FBXW5: variants seen among roughly 807,000 people sequenced by gnomAD.
The protein encoded by FBXW5 is F-box and WD repeat domain containing 5, also known as F-box/WD repeat-containing protein 5.
FBXW5 carries 74 observed loss-of-function variants against 50.9 expected under a neutral mutation model. The ratio of observed to expected loss-of-function variants is 1.45; its 90% confidence interval spans 1.20 to 1.76. The LOEUF (loss-of-function observed/expected upper bound fraction) is 1.76. FBXW5 is among the 40% of genes most tolerant of loss of function. The probability of loss-of-function intolerance (pLI) is 0.00; values close to 1 mark genes in which losing one functional copy is unlikely to be tolerated. For missense variants in FBXW5, 1,073 were observed against 818.8 expected (o/e 1.31, Z -3.79); for synonymous variants, 523 against 362.2 (o/e 1.44, Z -5.04).
rs1176899473 is a variant in FBXW5 at position 136,940,984 on chromosome 9, C to T, written c.1645G>A (p.Ala549Thr). ...RSPRTMRVLQ[A>T]PRPRPRTFFS... ...AAGGTGCGAGGCCGTGGGCGAGGTGCCTGGAGGACGCGCATGGTGCGTGGG... is the reference window on the plus strand; with the variant it reads ...AAGGTGCGAGGCCGTGGGCGAGGTGTCTGGAGGACGCGCATGGTGCGTGGG... The change falls in exon 9 of 9, where the codon GCA becomes ACA. Residue 549 changes from alanine to threonine, a missense_variant. Coordinates refer to ENST00000325285, the MANE Select transcript of FBXW5 (RefSeq NM_018998.4). 6.4e-7 allele frequency: 1 copy of T among 1,559,800 alleles called. No homozygotes were observed.
In FBXW5 at chr9:136,942,791, G is replaced by T. The variant is rs142910179; in HGVS notation, c.504C>A (p.Gly168=). 1.2e-6 allele frequency: 2 copies of T among 1,613,092 alleles called. No homozygotes were observed. Among genetic ancestry groups the T allele is most frequent in the Admixed American group, 1.7e-5 (1 of 60,020 alleles). The change falls in exon 4 of 9, where the codon GGC becomes GGA. Residue 168 remains glycine, a synonymous_variant. Coordinates refer to ENST00000325285, the MANE Select transcript of FBXW5 (RefSeq NM_018998.4). ...CACCTAGGCTGATGACAGCAATCTC[G>T]CCGGATGAGGAGTTGTGCGGCCCCA... ...VFLGPHNSSS[G]EIAVISLDSF...
intron 6 of FBXW5, 122 bp from the exon 7 acceptor site, chr9:136,941,806 C>T (rs1305751814): frequency 2.1e-6 from 3 of 1,446,718 alleles, no homozygotes; most frequent in South Asian, 2.9e-5. Context: ...TGGGCACTGC[C>T]TGCTCCGGGG....
chr9:136,943,270 G>T, intron 3 of FBXW5, 79 bp downstream of exon 3: 2 of 1,139,900 alleles, frequency 1.8e-6, no homozygotes, highest in Non-Finnish European at 1.2e-6. Context: ...ACCACCACCT[G>T]GTTGGAACGC....
At position 136,941,280 on chromosome 9, in the gene FBXW5, G is replaced by A. The variant is rs749499384; in HGVS notation, c.1428C>T (p.Phe476=). Residue 476 remains phenylalanine (F), a synonymous_variant, in exon 8 of 9, where the codon TTC becomes TTT. Transcript: ENST00000325285. ...CCACGAAGTCCCTGCTGACGTCCAG[G>A]AAGATGAAGAAGCACTCGTCGTTGG... ...YTPNDECFFI[F]LDVSRDFVAS... is the part of the protein sequence containing the mutation. The A allele has an allele frequency of 1.2e-6, 2 of 1,607,494 alleles. No individual in the cohort carries two copies. The highest frequency in any genetic ancestry group is 4.5e-5 in the East Asian group (2 of 44,884).
rs149391188 is a variant in FBXW5, at chr9:136,941,429, C to T, written c.1279G>A (p.Gly427Ser). The change falls in exon 8 of 9, where the codon GGT becomes AGT. Residue 427 changes from glycine (G) to serine (S), a missense_variant. By Grantham distance (56) the Gly-to-Ser change is moderately conservative. Transcript: ENST00000325285. ...TGCATGGGGTCGGCCACCACCGCAC[C>T]GTTGGGCCAGGCGCGGCTGTTCACG... ...LYVNSRAWPN[G>S]AVVADPMQPP... The T allele has an allele frequency of 1.0e-4, 164 of 1,609,332 alleles. No homozygotes were observed. Among genetic ancestry groups the T allele is most frequent in the Admixed American group, 1.5e-4 (9 of 59,994 alleles).
At position 136,943,010 on chromosome 9, in the gene FBXW5, A is replaced by G. The variant is rs74333867; in HGVS notation, c.352-67T>C. On this transcript the variant is annotated intron_variant, in intron 3 of 8. Transcript: ENST00000325285. ...GCGGGGCGGGGGCCTGCTACTACACAGCCATGAGGCCCCAGCTCTGCCAGC... is the reference window on the plus strand; with the variant it reads ...GCGGGGCGGGGGCCTGCTACTACACGGCCATGAGGCCCCAGCTCTGCCAGC... 2,690 of 1,603,426 alleles carry G rather than the reference A, an allele frequency of 1.7e-3. 35 individuals are homozygous for G. The African/African-American group carries it at 0.032, about 19-fold the overall frequency.
chr9:136,940,805 T>C lies in FBXW5; in HGVS notation c.*123A>G. ...TTGTGTGTGAGCGTGTGGCGGGGCC[T>C]GGTTGTCCCCTTCCTAAGGCGTAAC... is the stretch of plus-strand genomic sequence containing the variant. On this transcript the variant is annotated 3_prime_UTR_variant, in exon 9 of 9. Transcript: ENST00000325285. The C allele has an allele frequency of 7.2e-7, 1 of 1,386,964 alleles. No individual in the cohort carries two copies. Among genetic ancestry groups the C allele is most frequent in the South Asian group, 1.4e-5 (1 of 70,326 alleles). 85.9% of individuals were successfully genotyped at this position (1,386,964 alleles called of 1,614,324 possible). A position where few individuals can be genotyped will look rare whatever the true frequency, so the allele number is the denominator to read the frequency against.
In FBXW5 at chr9:136,942,920, G is replaced by T; in HGVS notation, c.375C>A (p.Ile125=). ...GCATGTCCGCGCTGTGCAGCAGCGA[G>T]ATGGTCAGGTCGTTGCTCCAGATCT... is the stretch of plus-strand genomic sequence containing the variant. ...TVKIWSNDLT[I]SLLHSADMRP... is the part of the protein sequence containing the mutation. The change falls in exon 4 of 9, where the codon ATC becomes ATA. Residue 125 remains isoleucine, a synonymous_variant. Transcript: ENST00000325285. 6.2e-7 allele frequency: 1 copy of T among 1,613,408 alleles called. No homozygotes were observed. Among genetic ancestry groups the T allele is most frequent in the Non-Finnish European group, 8.5e-7 (1 of 1,179,954 alleles).
At position 136,942,309 on chromosome 9, in the gene FBXW5, C is replaced by G. The variant is rs753510898; in HGVS notation, c.833G>C (p.Arg278Pro). 3 of 1,595,648 alleles carry G rather than the reference C, an allele frequency of 1.9e-6. No homozygotes were observed. The highest frequency in any genetic ancestry group is 8.5e-7 in the Non-Finnish European group (1 of 1,172,230). Residue 278 changes from arginine to proline, a missense_variant, in exon 6 of 9, where the codon CGC (arginine) becomes CCC (proline). Transcript: ENST00000325285. ...EAGDPATSPCRIFDLGSDNEE... is the reference protein window; with the variant it reads ...EAGDPATSPCPIFDLGSDNEE... ...GTTGTCGCTGCCCAGGTCAAAGATGCGGCAGGGGGACGTGGCCGGGTCACC... is the reference window on the plus strand; with the variant it reads ...GTTGTCGCTGCCCAGGTCAAAGATGGGGCAGGGGGACGTGGCCGGGTCACC...
chr9:136,943,732 G>GC (rs573107936), intron 2 of FBXW5, among the ~76,000 whole-genome samples, 159 bp downstream of exon 2: 173 of 152,354 alleles, frequency 1.1e-3, no homozygotes, highest in Admixed American at 3.6e-3. Context: ...GCTCTGAGGG[G>GC]CGCCTGCGCT....
chr9:136,944,005 G>A lies in FBXW5; in HGVS notation c.79C>T (p.Leu27=), dbSNP rs1850926793. Residue 27 remains leucine (L), a synonymous_variant, in exon 2 of 9, where the codon CTG becomes TTG. Transcript: ENST00000325285. ...TGGCGGCACACCAGCCCGGCGGCCA[G>A]CACGTCGGCCGGGCCCAGGCTCAGG... ...IFLSLGPADV[L]AAGLVCRQWQ... The A allele has an allele frequency of 1.3e-6, 2 of 1,596,714 alleles. No homozygotes were observed. The highest frequency in any genetic ancestry group is 1.7e-6 in the Non-Finnish European group (2 of 1,172,860).
chr9:136,943,114 G>T, intron 3 of FBXW5, 171 bp from the exon 4 acceptor site: 1 of 1,147,402 alleles, frequency 8.7e-7, no homozygotes, highest in South Asian at 1.4e-5. Context: ...ATAGAGCGGA[G>T]GAGCCTGCCC....
In FBXW5 at chr9:136,942,376, C is replaced by A. The variant is rs757208354; in HGVS notation, c.766G>T (p.Asp256Tyr). ...TCAGGGCTGTCGAAGCGGCTGCAGT[C>A]GGCCACCATCACCGTGCGGACGGTG... ...ASTVRTVMVA[D>Y]CSRFDSPDLL... is the part of the protein sequence containing the mutation. Residue 256 changes from aspartate to tyrosine, a missense_variant, in exon 6 of 9, where the codon GAC becomes TAC. Asp to Tyr is a radical substitution (Grantham distance 160, BLOSUM62 -3). Transcript: ENST00000325285. 2 of 1,610,980 alleles carry A rather than the reference C, an allele frequency of 1.2e-6. No homozygotes were observed. Among genetic ancestry groups the A allele is most frequent in the Admixed American group, 1.7e-5 (1 of 59,880 alleles).
rs1294399841 is a variant in FBXW5, at chr9:136,943,735, C to T, written c.193+156G>A. Among the ~76,000 whole-genome samples the T allele has an allele frequency of 2.6e-5, 4 of 152,366 alleles. No homozygotes were observed. In the East Asian group the frequency reaches 5.8e-4, roughly 22 times the overall value. On this transcript the variant is annotated intron_variant, in intron 2 of 8. Coordinates refer to ENST00000325285, the MANE Select transcript of FBXW5 (RefSeq NM_018998.4). ...TCTGGCCTCCAAGCTCTGAGGGGCG[C>T]CTGCGCTGTGTCCTGACAGGCCTCT...
At position 136,944,648 on chromosome 9, in the gene FBXW5, T is replaced by G. The variant is rs909024034; in HGVS notation, c.-78A>C. 15 of 978,652 alleles carry G rather than the reference T, an allele frequency of 1.5e-5. No individual in the cohort carries two copies. Among genetic ancestry groups the G allele is most frequent in the South Asian group, 4.6e-5 (1 of 21,974 alleles). The allele number at this position is 978,652 out of a possible 1,614,324, so 60.6% of individuals were successfully genotyped here. On this transcript the variant is annotated 5_prime_UTR_variant, in exon 1 of 9. Coordinates refer to ENST00000325285, the MANE Select transcript of FBXW5 (RefSeq NM_018998.4). ...CCGCCCTGCGCGACCCGGACCCGCT[T>G]CCGCTGCCGCAGCCGCTCGGACCGC...
Position 136,941,441 on chromosome 9 carries a change from C to G in FBXW5, c.1267G>C (p.Ala423Pro). 6.2e-7 allele frequency: 1 copy of G among 1,608,180 alleles called. No homozygotes were observed. ...GCCACCACCGCACCGTTGGGCCAGG[C>G]GCGGCTGTTCACGTACAGGTACCTG... ...DNRYLYVNSR[A>P]WPNGAVVADP... is the part of the protein sequence containing the mutation. Residue 423 changes from alanine (A) to proline (P), a missense_variant, in exon 8 of 9, where the codon GCC (alanine) becomes CCC (proline). Coordinates refer to ENST00000325285, the MANE Select transcript of FBXW5 (RefSeq NM_018998.4).
Position 136,942,782 on chromosome 9 carries a change from A to G in FBXW5, c.513T>C (p.Ala171=). Residue 171 remains alanine (A), a synonymous_variant, in exon 4 of 9, where the codon GCT becomes GCC. Transcript: ENST00000325285. ...GPHNSSSGEI[A]VISLDSFALL... is the part of the protein sequence containing the mutation. ...GCCCGTGCTCACCTAGGCTGATGAC[A>G]GCAATCTCGCCGGATGAGGAGTTGT... 1.2e-6 allele frequency: 2 copies of G among 1,612,738 alleles called. No homozygotes were observed. The highest frequency in any genetic ancestry group is 2.2e-5 in the South Asian group (2 of 91,068).
In FBXW5 at chr9:136,941,290, A is replaced by C. The variant is rs1195244939; in HGVS notation, c.1418T>G (p.Phe473Cys). Residue 473 changes from phenylalanine (F) to cysteine (C), a missense_variant, in exon 8 of 9, where the codon TTC (phenylalanine) becomes TGC (cysteine). Transcript: ENST00000325285. ...HRAYTPNDEC[F>C]FIFLDVSRDF... ...CCTGCTGACGTCCAGGAAGATGAAG[A>C]AGCACTCGTCGTTGGGCGTGTAGGC... 1 of 1,608,514 alleles carries C rather than the reference A, an allele frequency of 6.2e-7. No homozygotes were observed. Among genetic ancestry groups the C allele is most frequent in the Admixed American group, 1.7e-5 (1 of 59,994 alleles).
rs751206571 is a variant in FBXW5 at position 136,941,569 on chromosome 9, G to C, written c.1212C>G (p.His404Gln). ...CGGGCGACAGGCCCATGCCGATGATGTGTCCGTGTATGTCTATGACGTGGT... is the reference window on the plus strand; with the variant it reads ...CGGGCGACAGGCCCATGCCGATGATCTGTCCGTGTATGTCTATGACGTGGT... ...ALDHVIDIHG[H>Q]IIGMGLSPDN... Residue 404 changes from histidine to glutamine, a missense_variant, in exon 7 of 9, where the codon CAC becomes CAG. Coordinates refer to ENST00000325285, the MANE Select transcript of FBXW5 (RefSeq NM_018998.4). 2.5e-6 allele frequency: 4 copies of C among 1,611,456 alleles called. No individual in the cohort carries two copies. In the South Asian group the frequency reaches 3.3e-5, roughly 13 times the overall value.
Sources: allele counts gnomAD v4.1 joint callset (sites outside exome capture counted in the v4.1 genomes callset), GRCh38; gene constraint gnomAD v4.1.1; transcripts MANE v1.5; gene names NCBI Gene and HGNC (gene_info 2026-07-23, HGNC 2026-07-21).